The following TRIP10 variants were observed in gnomAD, a reference collection of about 807,000 sequenced individuals.
The protein encoded by TRIP10 is cdc42-interacting protein 4.
A neutral mutation model predicts 80.9 loss-of-function variants in TRIP10; 54 were observed. That is an observed-to-expected ratio of 0.67 (90% CI 0.54 to 0.84). TRIP10 has a LOEUF of 0.84. Among genes scored for constraint, TRIP10 ranks in the 40% least tolerant of loss-of-function variants. The pLI, the probability that TRIP10 is intolerant of heterozygous loss-of-function variation, is 0.00. For missense variants in TRIP10, 773 were observed against 815.3 expected, an observed-to-expected ratio of 0.95 and a Z score of 0.63; for synonymous variants, 321 against 307.2, an observed-to-expected ratio of 1.04 and a Z score of -0.47.
At chr19:6,750,158 C>T (rs907122536) in intron 12 of TRIP10, 92 bp downstream of exon 12, 40 of 1,563,200 alleles carry the variant, frequency 2.6e-5, no homozygotes, top group Admixed American at 1.4e-4. Context: ...GGGAGGTGTT[C>T]GGAGCGGGGG....
rs1287103797 is a variant in TRIP10, at chr19:6,750,438, G to GGTGAC, written c.1535+10_1535+14dup. The GGTGAC allele has an allele frequency of 6.2e-7, 1 of 1,614,044 alleles. No homozygotes were observed. The highest frequency in any genetic ancestry group is 2.2e-5 in the East Asian group (1 of 44,876). On this transcript the variant is annotated splice_region_variant and intron_variant, in intron 13 of 14. Transcript: ENST00000313244. ...CACAGGACACCAAGGAGAGGTGAGG[G>GGTGAC]GTGACGTCAGAGTGGGTCTGTTCCC...
rs147177089 is a variant in TRIP10, at chr19:6,743,037, G to C, written c.268G>C (p.Val90Leu). 6.2e-6 allele frequency: 10 copies of C among 1,614,052 alleles called. No homozygotes were observed. The highest frequency in any genetic ancestry group is 1.6e-4 in the Middle Eastern group (1 of 6,082). ...VNDFAGQREL[V>L]AENLSVRVCL... ...TGACTTTGCAGGCCAGCGGGAGCTG[G>C]TGGCTGAGAACCTCAGTGTCCGTGT... The change falls in exon 4 of 15, where the codon GTG becomes CTG. Residue 90 changes from valine (V) to leucine (L), a missense_variant. Physicochemically the swap from Val to Leu is conservative, Grantham distance 32. Transcript: ENST00000313244.
Position 6,746,728 on chromosome 19 carries a change from C to T in TRIP10, c.1262+167C>T, listed in dbSNP as rs1969146149. Among the ~76,000 whole-genome samples the T allele has an allele frequency of 6.6e-6, 1 of 152,160 alleles. No homozygotes were observed. Among genetic ancestry groups the T allele is most frequent in the Non-Finnish European group, 1.5e-5 (1 of 68,030 alleles). ...AGTGCAGTGCTGTGATCTTAGCTCA[C>T]TGCAATCGCCACATCCCAGGTTCAA... On this transcript the variant is annotated intron_variant, in intron 11 of 14. Transcript: ENST00000313244. This position sits in a 1 kb window ranked among gnomAD's most constrained non-coding sequence, Gnocchi z 6.2.
chr19:6,746,414 T>C lies in TRIP10; in HGVS notation c.1153-38T>C. 3.7e-6 allele frequency: 6 copies of C among 1,609,462 alleles called. No individual in the cohort carries two copies. The highest frequency in any genetic ancestry group is 5.1e-6 in the Non-Finnish European group (6 of 1,176,070). ...GGGTGCAGAGTCTGGCAGGCTAGACTCCTTGATCCCAAATTCAGCCCTCTA... is the reference window on the plus strand; with the variant it reads ...GGGTGCAGAGTCTGGCAGGCTAGACCCCTTGATCCCAAATTCAGCCCTCTA... On this transcript the variant is annotated intron_variant, in intron 10 of 14. Coordinates refer to ENST00000313244, the MANE Select transcript of TRIP10 (RefSeq NM_001288962.2). This position sits in a 1 kb window ranked among gnomAD's most constrained non-coding sequence, Gnocchi z 6.2.
chr19:6,749,488 G>A (rs1307200174), intron 11 of TRIP10, among the ~76,000 whole-genome samples: 6 of 148,614 alleles, frequency 4.0e-5, no homozygotes, highest in African/African-American at 1.6e-4. Context: ...CCAGGCAGTC[G>A]GGCACTAGTA....
rs767813661 is a variant in TRIP10, at chr19:6,744,919, C to G, written c.909C>G (p.Pro303=). The G allele has an allele frequency of 8.1e-6, 13 of 1,614,196 alleles. No homozygotes were observed. In the Admixed American group the frequency reaches 1.5e-4, roughly 19 times the overall value. ...CCTCCGACAGCAGTCTGGGCACCCC[C>G]TCGGATGGACGGCCTGAACTCCGAG... The part of the protein sequence containing the change: ...RAPSDSSLGT[P]SDGRPELRGP... Residue 303 remains proline (P), a synonymous_variant, in exon 9 of 15, where the codon CCC becomes CCG. Transcript: ENST00000313244. This position sits in a 1 kb window ranked among gnomAD's most constrained non-coding sequence, Gnocchi z 4.9.
chr19:6,751,045 C>T lies in TRIP10; in HGVS notation c.1658-18C>T. 6.6e-7 allele frequency: 1 copy of T among 1,517,432 alleles called. No individual in the cohort carries two copies. Among genetic ancestry groups the T allele is most frequent in the Non-Finnish European group, 8.8e-7 (1 of 1,131,806 alleles). The allele number at this position is 1,517,432 out of a possible 1,614,324, so 94.0% of individuals were successfully genotyped here. A position where few individuals can be genotyped will look rare whatever the true frequency, so the allele number is the denominator to read the frequency against. On this transcript the variant is annotated intron_variant, in intron 14 of 14. Transcript: ENST00000313244. ...TTTGCCTAAAGCAGATCTGGGCCCA[C>T]CCCCACCCCCATCACAGGGTCCAGC...
rs1969045726 is a variant in TRIP10, at chr19:6,744,617, G to C, written c.706G>C (p.Glu236Gln). 1.2e-6 allele frequency: 2 copies of C among 1,613,884 alleles called. No individual in the cohort carries two copies. Among genetic ancestry groups the C allele is most frequent in the African/African-American group, 2.7e-5 (2 of 74,944 alleles). The stretch of plus-strand genomic sequence containing the variant: ...GGGTGCCGGGTATGGGCTCCTGTCG[G>C]AGGCCGAGCTGGAGGTGGTGCCCAT... ...RLGAGYGLLS[E>Q]AELEVVPIIA... Residue 236 changes from glutamate to glutamine, a missense_variant, in exon 8 of 15, where the codon GAG becomes CAG. Physicochemically the swap from Glu to Gln is conservative, Grantham distance 29. Transcript: ENST00000313244. This position sits in a 1 kb window ranked among gnomAD's most constrained non-coding sequence, Gnocchi z 4.9.
chr19:6,740,581 A>T, intron 1 of TRIP10: 1 of 174,992 alleles, frequency 5.7e-6, no homozygotes, highest in Non-Finnish European at 1.2e-5. Flanking sequence ...AGGGAGATTC[A>T]GGGAACCTGG....
At position 6,745,751 on chromosome 19, in the gene TRIP10, G is replaced by A. The variant is rs1022964378; in HGVS notation, c.985-278G>A. ...CCTAGGAGATACCGGGGGAGTGAGA[G>A]TTCTGGCTTTCGGGCTTACAGTTCA... On this transcript the variant is annotated intron_variant, in intron 9 of 14. Coordinates refer to ENST00000313244, the MANE Select transcript of TRIP10 (RefSeq NM_001288962.2). This position sits in a 1 kb window ranked among gnomAD's most constrained non-coding sequence, Gnocchi z 7.2. 3.8e-5 allele frequency: 37 copies of A among 985,050 alleles called. No individual in the cohort carries two copies. In the African/African-American group the frequency reaches 6.5e-4, roughly 17 times the overall value. The allele number at this position is 985,050 out of a possible 1,614,324, so 61.0% of individuals were successfully genotyped here.
intron 11 of TRIP10, chr19:6,748,187 T>C (rs889308613): frequency 3.3e-5 from 5 of 152,132 alleles, no homozygotes; most frequent in Non-Finnish European, 1.5e-5. Context: ...CTTTACTCAC[T>C]CTTTCCAGGC....
In TRIP10 at chr19:6,746,331, T is replaced by C. The variant is rs79256079; in HGVS notation, c.1153-121T>C. 3 of 1,523,646 alleles carry C rather than the reference T, an allele frequency of 2.0e-6. No homozygotes were observed. In the African/African-American group the frequency reaches 4.1e-5, roughly 21 times the overall value. 94.4% of individuals were successfully genotyped at this position (1,523,646 alleles called of 1,614,324 possible). On this transcript the variant is annotated intron_variant, in intron 10 of 14. Coordinates refer to ENST00000313244, the MANE Select transcript of TRIP10 (RefSeq NM_001288962.2). The surrounding 1 kb of genome is among the most constrained non-coding windows in gnomAD (Gnocchi z 6.2). ...TGCCCAACCCAGACCTGCTTTGCTC[T>C]GTGCATGGCTTCGCTGTCAAGAACC...
chr19:6,748,710 T>C (rs1055140751), intron 11 of TRIP10: 1 of 152,160 alleles, frequency 6.6e-6, no homozygotes, highest in East Asian at 1.9e-4. Flanking sequence ...CGAGAATCAC[T>C]TGATCCCGGG....
intron 3 of TRIP10, 38 bp from the exon 4 acceptor site, chr19:6,742,929 G>C (rs1399234588): frequency 6.2e-7 from 1 of 1,608,922 alleles, no homozygotes; most frequent in South Asian, 1.1e-5. Flanking sequence ...GGGAGGAGGG[G>C]CCTGACTCCC....
Position 6,744,468 on chromosome 19 carries a change from A to C in TRIP10, c.643-86A>C, listed in dbSNP as rs539367049. ...TGGCTTGGGGCTGGGGCCAGCGTGG[A>C]GCGCGATCATATTTGCAGAGTGAAT... On this transcript the variant is annotated intron_variant, in intron 7 of 14. Transcript: ENST00000313244. The surrounding 1 kb of genome is among the most constrained non-coding windows in gnomAD (Gnocchi z 4.9). 1 of 1,571,590 alleles carries C rather than the reference A, an allele frequency of 6.4e-7. No homozygotes were observed. Among genetic ancestry groups the C allele is most frequent in the Non-Finnish European group, 8.6e-7 (1 of 1,158,924 alleles).
chr19:6,749,015 G>C (rs535258657), intron 11 of TRIP10: 1 of 152,268 alleles, frequency 6.6e-6, no homozygotes, highest in South Asian at 2.1e-4. Flanking sequence ...CTGAGAGATT[G>C]TATGCAGACT....
intron 12 of TRIP10, 66 bp from the exon 13 acceptor site, chr19:6,750,226 C>G: frequency 1.3e-6 from 2 of 1,597,270 alleles, no homozygotes; most frequent in Non-Finnish European, 1.7e-6. Flanking sequence ...CAGGGAACCT[C>G]TGGGTCCAAA....
chr19:6,751,104 C>T lies in TRIP10; in HGVS notation c.1699C>T (p.Leu567Phe). The T allele has an allele frequency of 6.2e-7, 1 of 1,610,978 alleles. No homozygotes were observed. The highest frequency in any genetic ancestry group is 8.5e-7 in the Non-Finnish European group (1 of 1,178,380). Residue 567 changes from leucine to phenylalanine, a missense_variant, in exon 15 of 15, where the codon CTC (leucine) becomes TTC (phenylalanine). Transcript: ENST00000313244. The part of the protein sequence containing the change: ...GTISMAEGED[L>F]SLMEEDKGDG... ...TATCTCTATGGCCGAGGGTGAAGAC[C>T]TCAGTCTTATGGAAGAAGACAAAGG...
chr19:6,750,169 G>C (rs1037286834), intron 12 of TRIP10, 103 bp downstream of exon 12: 1 of 1,568,770 alleles, frequency 6.4e-7, no homozygotes, highest in South Asian at 1.2e-5. Context: ...GGAGCGGGGG[G>C]TCTCCAGCTG....
Sources: allele counts gnomAD v4.1 joint callset (sites outside exome capture counted in the v4.1 genomes callset), GRCh38; gene constraint gnomAD v4.1.1; non-coding constraint Gnocchi (gnomAD v3.1); transcripts MANE v1.5; gene names NCBI Gene and HGNC (gene_info 2026-07-23, HGNC 2026-07-21).